Variants in SAMD3 observed in about 807,000 individuals in gnomAD.
SAMD3 encodes the protein sterile alpha motif domain containing 3, also known as sterile alpha motif domain-containing protein 3.
SAMD3 carries 63 observed loss-of-function variants against 58.5 expected under a neutral mutation model. That is an observed-to-expected ratio of 1.08 (90% confidence interval 0.88 to 1.33). The LOEUF (loss-of-function observed/expected upper bound fraction) is 1.33. Ranked by LOEUF, SAMD3 falls within the 40% of genes most tolerant of loss-of-function variation. The pLI is 0.00. For missense variants in SAMD3, 604 were observed against 608.4 expected, an observed-to-expected ratio of 0.99 and a Z score of 0.08; for synonymous variants, 220 against 210.3, an observed-to-expected ratio of 1.05 and a Z score of -0.40.
At chr6:130,312,695 T>G (rs1044579634) in intron 2 of SAMD3, among the ~76,000 whole-genome samples, 1 of 152,244 alleles carries the variant, frequency 6.6e-6, no homozygotes, top group Admixed American at 6.5e-5. Flanking sequence ...TTTTTTCTTT[T>G]AAAATCATCC....
At chr6:130,176,310 A>G in intron 7 of SAMD3, 1 of 329,830 alleles carries the variant, frequency 3.0e-6, no homozygotes, top group South Asian at 3.5e-5. Flanking sequence ...GGATTTTCTA[A>G]TTCCCAAAAG....
At chr6:130,167,082 A>G (rs533818724) in intron 8 of SAMD3, among the ~76,000 whole-genome samples, 1 of 152,254 alleles carries the variant, frequency 6.6e-6, no homozygotes, top group South Asian at 2.1e-4. Flanking sequence ...TATAGTGGGA[A>G]CAGGACTTGA....
At chr6:130,323,905 G>A (rs1470783941) in intron 1 of SAMD3, among the ~76,000 whole-genome samples, 4 of 150,088 alleles carry the variant, frequency 2.7e-5, no homozygotes, top group Non-Finnish European at 5.9e-5. Flanking sequence ...TGTCTTTTAA[G>A]TGCTGGCTAT....
chr6:130,310,546 G>A (rs958388440), intron 2 of SAMD3, among the ~76,000 whole-genome samples: 4 of 152,174 alleles, frequency 2.6e-5, no homozygotes, highest in Admixed American at 2.0e-4. Flanking sequence ...CGTAGATATA[G>A]TTTTGGTTCT....
chr6:130,291,465 G>C (rs949066904), intron 2 of SAMD3, among the ~76,000 whole-genome samples: 5 of 152,188 alleles, frequency 3.3e-5, no homozygotes, highest in African/African-American at 7.2e-5. Context: ...GGTTGACTCT[G>C]TAGTTTGATA....
chr6:130,308,102 C>A (rs568618629), intron 2 of SAMD3, among the ~76,000 whole-genome samples: 33 of 152,182 alleles, frequency 2.2e-4, no homozygotes, highest in Non-Finnish European at 4.4e-4. Context: ...GCACATTTGG[C>A]CTCTCTGAAC....
intron 5 of SAMD3, among the ~76,000 whole-genome samples, chr6:130,196,882 CA>C (rs1339134701): frequency 6.6e-6 from 1 of 152,212 alleles, no homozygotes; most frequent in Non-Finnish European, 1.5e-5. Flanking sequence ...TCCCTTCTGT[CA>C]GACATAATTC....
chr6:130,295,878 A>T (rs1390664479), intron 2 of SAMD3, among the ~76,000 whole-genome samples: 1 of 152,210 alleles, frequency 6.6e-6, no homozygotes, highest in African/African-American at 2.4e-5. Flanking sequence ...AATAGTAAAA[A>T]TGGCAAGTTT....
At chr6:130,254,992 T>C (rs1773876078) in intron 2 of SAMD3, among the ~76,000 whole-genome samples, 1 of 152,228 alleles carries the variant, frequency 6.6e-6, no homozygotes, top group Non-Finnish European at 1.5e-5. Context: ...TTTTGGTATG[T>C]TGTGTTTCCA....
At chr6:130,143,249 G>GT (rs1788366912), downstream of SAMD3, 1 of 152,004 alleles carries the variant, frequency 6.6e-6, no homozygotes, top group African/African-American at 2.4e-5. Flanking sequence ...TTTTGTTTTT[G>GT]TTTGTTTGTT....
intron 7 of SAMD3, among the ~76,000 whole-genome samples, chr6:130,178,546 G>A (rs1234134569): frequency 6.6e-6 from 1 of 152,168 alleles, no homozygotes; most frequent in Non-Finnish European, 1.5e-5. Flanking sequence ...CAAATGCTTG[G>A]CACTTAGATT....
intron 9 of SAMD3, among the ~76,000 whole-genome samples, chr6:130,152,830 T>C (rs933988732): frequency 3.9e-5 from 6 of 152,226 alleles, no homozygotes; most frequent in Admixed American, 1.3e-4. Flanking sequence ...GCAGGAGGCC[T>C]GGACAAAAGC....
intron 1 of SAMD3, among the ~76,000 whole-genome samples, chr6:130,325,373 G>A (rs991734756): frequency 2.6e-5 from 4 of 152,126 alleles, no homozygotes; most frequent in African/African-American, 9.7e-5. Context: ...AGAACCTGGA[G>A]GTCTGATGTC....
chr6:130,253,351 G>A (rs1391219043), intron 2 of SAMD3, among the ~76,000 whole-genome samples: 1 of 152,038 alleles, frequency 6.6e-6, no homozygotes, highest in Non-Finnish European at 1.5e-5. Context: ...TTGTTTAGTT[G>A]GAACCAGTGG....
intron 2 of SAMD3, among the ~76,000 whole-genome samples, chr6:130,232,772 T>C (rs1442389863): frequency 6.6e-6 from 1 of 152,238 alleles, no homozygotes; most frequent in African/African-American, 2.4e-5. Flanking sequence ...ACTTAGCATT[T>C]ATTGCTCCTT....
intron 5 of SAMD3, among the ~76,000 whole-genome samples, chr6:130,194,334 TAAA>T (rs1243158177): frequency 7.2e-5 from 11 of 152,216 alleles, no homozygotes; most frequent in Non-Finnish European, 1.5e-5. Flanking sequence ...CCCTAGACCC[TAAA>T]AGGTCAAAAG....
At chr6:130,336,215 T>G (rs1777095112) in intron 1 of SAMD3, among the ~76,000 whole-genome samples, 1 of 152,216 alleles carries the variant, frequency 6.6e-6, no homozygotes, top group African/African-American at 2.4e-5. Context: ...TTAAGCATGT[T>G]ACATAAATTA....
intron 5 of SAMD3, among the ~76,000 whole-genome samples, chr6:130,207,495 C>T (rs1372429096): frequency 6.6e-6 from 1 of 152,142 alleles, no homozygotes; most frequent in Non-Finnish European, 1.5e-5. Context: ...CCCAACTCTA[C>T]CCACACTTCC....
At chr6:130,356,785 T>C (rs529828357) in intron 1 of SAMD3, among the ~76,000 whole-genome samples, 1 of 152,338 alleles carries the variant, frequency 6.6e-6, no homozygotes, top group Admixed American at 6.5e-5. Context: ...CTGGACCTAG[T>C]AAGTTCCCAT....
Sources: gnomAD v4.1 joint callset for allele counts (sites outside exome capture counted in the v4.1 genomes callset) on GRCh38, gnomAD v4.1.1 for gene constraint, MANE v1.5 for transcripts, NCBI Gene and HGNC (gene_info 2026-07-23, HGNC 2026-07-21) for gene names.